MAPT: variants seen among roughly 807,000 people sequenced by gnomAD.
The protein encoded by MAPT is microtubule associated protein tau.
A neutral mutation model predicts 67.9 loss-of-function variants in MAPT; 34 were observed. The ratio of observed to expected loss-of-function variants is 0.50; its 90% CI spans 0.38 to 0.67. The LOEUF is 0.67. Among genes scored for constraint, MAPT ranks in the 30% least tolerant of loss-of-function variants. The pLI, the probability that MAPT is intolerant of heterozygous loss-of-function variation, is 0.00. For synonymous variants in MAPT, 456 were observed against 464.5 expected, an observed-to-expected ratio of 0.98 and a Z score of 0.23; for missense variants, 881 against 1,115.2, an observed-to-expected ratio of 0.79 and a Z score of 2.99.
intron 3 of MAPT, chr17:45,977,744 C>G (rs1027404541): frequency 3.9e-5 from 6 of 153,162 alleles, no homozygotes; most frequent in African/African-American, 1.4e-4. Context: ...CTGCGAAAGG[C>G]ATTTGCCCAG....
intron 6 of MAPT, among the ~76,000 whole-genome samples, chr17:45,988,489 A>G (rs2073787184): frequency 6.6e-6 from 1 of 152,026 alleles, no homozygotes; most frequent in African/African-American, 2.4e-5. Flanking sequence ...TCTATCCTGC[A>G]TCCTGGTTCC....
At chr17:45,911,677 T>C (rs1033665615) in intron 1 of MAPT, among the ~76,000 whole-genome samples, 4 of 151,966 alleles carry the variant, frequency 2.6e-5, no homozygotes, top group Non-Finnish European at 5.9e-5. Flanking sequence ...GGCAGGAGGA[T>C]CACTTGAGCC....
chr17:45,983,261 A>T lies in MAPT; in HGVS notation c.682A>T (p.Met228Leu). ...TCTGAGCCACCAGCTCATGTCCGGCATGCCTGGGGCTCCCCTCCTGCCTGA... is the reference window on the plus strand; with the variant it reads ...TCTGAGCCACCAGCTCATGTCCGGCTTGCCTGGGGCTCCCCTCCTGCCTGA... Reference protein sequence around the residue: ...PGLSHQLMSGMPGAPLLPEGP... With the variant: ...PGLSHQLMSGLPGAPLLPEGP... The change falls in exon 5 of 13, where the codon ATG becomes TTG. Residue 228 changes from methionine (M) to leucine (L), a missense_variant. Physicochemically the swap from Met to Leu is conservative, Grantham distance 15. Coordinates refer to ENST00000262410, the MANE Select transcript of MAPT (RefSeq NM_001377265.1). 6.3e-7 allele frequency: 1 copy of T among 1,599,656 alleles called. No homozygotes were observed.
chr17:45,967,261 A>T (rs1485860835), intron 2 of MAPT, among the ~76,000 whole-genome samples: 1 of 152,188 alleles, frequency 6.6e-6, no homozygotes. Context: ...AAGACATGCA[A>T]ATGGGGCTTC....
intron 1 of MAPT, among the ~76,000 whole-genome samples, chr17:45,951,189 T>C (rs12453128): frequency 0.01 from 1,562 of 152,192 alleles, 24 homozygotes; most frequent in African/African-American, 0.036. Context: ...GATGAGCAGC[T>C]GGGGACTGGC....
intron 1 of MAPT, among the ~76,000 whole-genome samples, chr17:45,952,837 C>T (rs1598121013): frequency 6.6e-6 from 1 of 152,144 alleles, no homozygotes; most frequent in Non-Finnish European, 1.5e-5. Context: ...ATACCCTAGA[C>T]CTGCACCCTG....
chr17:45,994,649 C>T (rs2074331167), intron 8 of MAPT, among the ~76,000 whole-genome samples: 2 of 151,974 alleles, frequency 1.3e-5, no homozygotes, highest in South Asian at 4.2e-4. Context: ...ATAGTCAGAC[C>T]CCGTCTCTAT....
chr17:45,956,586 ATATATATATATATATT>A (rs1164077681), intron 1 of MAPT, among the ~76,000 whole-genome samples: 23 of 4,262 alleles, frequency 5.4e-3, no homozygotes, highest in African/African-American at 9.4e-3. Context: ...ATATATATAT[ATATATATATATATATT>A]TTTTATTATT....
intron 8 of MAPT, among the ~76,000 whole-genome samples, chr17:45,993,188 C>T (rs1182612948): frequency 1.3e-5 from 2 of 152,232 alleles, no homozygotes; most frequent in Non-Finnish European, 1.5e-5. Flanking sequence ...CGTGTCTTTG[C>T]GGTGGCATTT....
At chr17:45,914,255 C>T (rs528516747) in intron 1 of MAPT, among the ~76,000 whole-genome samples, 1 of 113,716 alleles carries the variant, frequency 8.8e-6, no homozygotes, top group Non-Finnish European at 2.4e-5. Flanking sequence ...AGAGGAAGAC[C>T]ACACCCCTGG....
chr17:45,962,397 G>A lies in MAPT; in HGVS notation c.60G>A (p.Leu20=), dbSNP rs1430583458. ...AAGATCACGCTGGGACGTACGGGTT[G>A]GGGGACAGGAAAGATCAGGGGGGCT... is the stretch of plus-strand genomic sequence containing the variant. The part of the protein sequence containing the change: ...VMEDHAGTYG[L]GDRKDQGGYT... Residue 20 remains leucine (L), a synonymous_variant, in exon 2 of 13, where the codon TTG becomes TTA. Coordinates refer to ENST00000262410, the MANE Select transcript of MAPT (RefSeq NM_001377265.1). 4 of 1,612,704 alleles carry A rather than the reference G, an allele frequency of 2.5e-6. No homozygotes were observed. The Admixed American group carries it at 5.0e-5, about 20-fold the overall frequency.
intron 9 of MAPT, among the ~76,000 whole-genome samples, chr17:45,998,959 C>T (rs2074751038): frequency 6.6e-6 from 1 of 152,156 alleles, no homozygotes; most frequent in African/African-American, 2.4e-5. Flanking sequence ...TGCTCCAGCA[C>T]CCAGACTGCC....
intron 1 of MAPT, among the ~76,000 whole-genome samples, chr17:45,930,431 G>A (rs955789133): frequency 4.6e-5 from 7 of 151,204 alleles, no homozygotes; most frequent in Admixed American, 1.3e-4. Flanking sequence ...AAAAGAAAAG[G>A]AAAGCTAAAG....
At chr17:45,928,437 G>T (rs1238897735) in intron 1 of MAPT, among the ~76,000 whole-genome samples, 1 of 152,082 alleles carries the variant, frequency 6.6e-6, no homozygotes, top group Admixed American at 6.5e-5. Context: ...CTATGACTTT[G>T]TGGTACTTGT....
intron 1 of MAPT, chr17:45,932,233 T>G (rs191084845): frequency 6.6e-6 from 1 of 152,288 alleles, no homozygotes; most frequent in East Asian, 1.9e-4. Context: ...CAGGAACATG[T>G]GTTCTCACAG....
chr17:45,991,115 G>A (rs76618565), intron 7 of MAPT, among the ~76,000 whole-genome samples: 22,048 of 152,274 alleles, frequency 0.14, 2,130 homozygotes, highest in Non-Finnish European at 0.22. Context: ...CTGCATATGT[G>A]TAGTGCACTA....
intron 9 of MAPT, among the ~76,000 whole-genome samples, chr17:46,001,250 G>A (rs62063859): frequency 0.15 from 22,056 of 152,096 alleles, 2,142 homozygotes; most frequent in Non-Finnish European, 0.22. Flanking sequence ...AATCCTGTAC[G>A]TTATATTAAG....
intron 1 of MAPT, among the ~76,000 whole-genome samples, chr17:45,903,840 T>TTTTATATATTATATATTATATATA (rs1403253811): frequency 0.029 from 1,189 of 40,480 alleles, 154 homozygotes; most frequent in African/African-American, 0.076. Context: ...TATTATATAT[T>TTTTATATATTATATATTATATATA]TTATATATTA....
At chr17:46,007,206 T>C (rs2075505916) in intron 9 of MAPT, among the ~76,000 whole-genome samples, 1 of 152,128 alleles carries the variant, frequency 6.6e-6, no homozygotes, top group Non-Finnish European at 1.5e-5. Context: ...AAATGTAGGC[T>C]GGACACCGTG....
Sources: gnomAD v4.1 joint callset for allele counts (sites outside exome capture counted in the v4.1 genomes callset) on GRCh38, gnomAD v4.1.1 for gene constraint, MANE v1.5 for transcripts, NCBI Gene and HGNC (gene_info 2026-07-23, HGNC 2026-07-21) for gene names.